ATP2B2: variants seen among roughly 807,000 people sequenced by gnomAD.
The protein encoded by ATP2B2 is ATPase plasma membrane Ca2+ transporting 2, also known as plasma membrane calcium-transporting ATPase 2.
In ATP2B2, 15 loss-of-function variants were observed where a neutral mutation model predicts 120.0. The observed-to-expected ratio is 0.12, with a 90% confidence interval of 0.08 to 0.19. ATP2B2 has a LOEUF of 0.19. ATP2B2 is among the 10% of genes least tolerant of loss of function. The pLI, the probability that ATP2B2 is intolerant of heterozygous loss-of-function variation, is 1.00. For missense variants in ATP2B2, 1,045 were observed against 1,719.8 expected (o/e 0.61, Z 6.94); for synonymous variants, 694 against 700.3 (o/e 0.99, Z 0.14).
chr3:10,498,633 T>C (rs566441367), intron 1 of ATP2B2, among the ~76,000 whole-genome samples: 1 of 152,226 alleles, frequency 6.6e-6, no homozygotes, highest in African/African-American at 2.4e-5. Context: ...CATGGCCCGG[T>C]AGAGTAGCCC....
Position 10,411,901 on chromosome 3 carries a change from G to T in ATP2B2, c.200-1086C>A, listed in dbSNP as rs762252965. Reference sequence around the variant, plus strand: ...TGTGGGGACCGGACAGAGTGGTAAGGGCCCACTTCCACCCACCATCTGCAT... The same window carrying T: ...TGTGGGGACCGGACAGAGTGGTAAGTGCCCACTTCCACCCACCATCTGCAT... On this transcript the variant is annotated intron_variant, in intron 2 of 22. Coordinates refer to ENST00000360273, the MANE Select transcript of ATP2B2 (RefSeq NM_001001331.4). Among the ~76,000 whole-genome samples, 20 of 152,132 alleles carry T rather than the reference G, an allele frequency of 1.3e-4. 1 individual carries two copies. The highest frequency in any genetic ancestry group is 1.9e-4 in the Non-Finnish European group (13 of 68,012).
chr3:10,437,307 G>A (rs1575220230), intron 2 of ATP2B2, among the ~76,000 whole-genome samples: 1 of 152,156 alleles, frequency 6.6e-6, no homozygotes, highest in Admixed American at 6.5e-5. Context: ...CCACTTCCAG[G>A]GGTTTCCTGG....
At chr3:10,553,354 C>T (rs35280072) in intron 2 of ATP2B2, among the ~76,000 whole-genome samples, 2,996 of 152,074 alleles carry the variant, frequency 0.02, 51 homozygotes, top group Admixed American at 0.04. Context: ...CAGAGAGGGA[C>T]CTTGAAAAAG....
intron 3 of ATP2B2, among the ~76,000 whole-genome samples, chr3:10,407,154 T>C (rs1214310620): frequency 3.3e-5 from 5 of 152,120 alleles, no homozygotes; most frequent in Non-Finnish European, 7.4e-5. Flanking sequence ...CCCTCCCCTC[T>C]TGGAGCTCCA....
chr3:10,336,332 G>A (rs2060116378), intron 22 of ATP2B2: 3 of 1,545,586 alleles, frequency 1.9e-6, no homozygotes, highest in Non-Finnish European at 2.6e-6. Context: ...GACAAGTTGC[G>A]AGAAGAACGA....
intron 1 of ATP2B2, among the ~76,000 whole-genome samples, chr3:10,474,704 G>A (rs2065140260): frequency 6.6e-6 from 1 of 152,242 alleles, no homozygotes; most frequent in South Asian, 2.1e-4. Context: ...TAAGCACCTT[G>A]TAAGGTTCCA....
chr3:10,454,351 A>AT (rs1178562742), intron 1 of ATP2B2, among the ~76,000 whole-genome samples: 1 of 152,234 alleles, frequency 6.6e-6, no homozygotes, highest in Non-Finnish European at 1.5e-5. Flanking sequence ...CTTAATAAAA[A>AT]GATGAATCAT....
At chr3:10,658,697 C>T (rs2070702205) in intron 1 of ATP2B2, among the ~76,000 whole-genome samples, 1 of 152,020 alleles carries the variant, frequency 6.6e-6, no homozygotes, top group African/African-American at 2.4e-5. Context: ...AGAACTTCCC[C>T]AACCTAGCAA....
intron 12 of ATP2B2, among the ~76,000 whole-genome samples, chr3:10,366,670 G>GCAGA (rs1368963632): frequency 2.6e-5 from 4 of 152,196 alleles, no homozygotes; most frequent in Non-Finnish European, 5.9e-5. Flanking sequence ...ACAGACATGG[G>GCAGA]CAGAACAGGG....
intron 14 of ATP2B2, among the ~76,000 whole-genome samples, chr3:10,356,964 T>TGAGAGAGAGAGA (rs4040764): frequency 3.5e-5 from 5 of 144,458 alleles, no homozygotes; most frequent in East Asian, 2.0e-4. Flanking sequence ...TGTGTGTGTA[T>TGAGAGAGAGAGA]GAGAGAGAGA....
intron 12 of ATP2B2, among the ~76,000 whole-genome samples, chr3:10,370,444 G>A (rs997480724): frequency 1.3e-5 from 2 of 152,214 alleles, no homozygotes; most frequent in African/African-American, 2.4e-5. Context: ...GGTGGGGGAA[G>A]AAGACAAAAA....
intron 1 of ATP2B2, among the ~76,000 whole-genome samples, chr3:10,698,228 C>T (rs1164865558): frequency 6.6e-6 from 1 of 152,198 alleles, no homozygotes; most frequent in Admixed American, 6.5e-5. Flanking sequence ...GAAAAGAATT[C>T]CTCCCTGATA....
chr3:10,480,324 G>T (rs1310039718), intron 1 of ATP2B2, among the ~76,000 whole-genome samples: 1 of 152,144 alleles, frequency 6.6e-6, no homozygotes, highest in Non-Finnish European at 1.5e-5. Context: ...GCATATGAAA[G>T]TGTCGAGCAC....
chr3:10,460,036 A>C (rs747235227), intron 1 of ATP2B2, among the ~76,000 whole-genome samples: 4 of 152,162 alleles, frequency 2.6e-5, no homozygotes, highest in African/African-American at 4.8e-5. Context: ...ACCACACACA[A>C]CAGGTCACTG....
upstream of ATP2B2, among the ~76,000 whole-genome samples, chr3:10,507,764 T>G (rs2066675157): frequency 2.6e-5 from 4 of 152,198 alleles, no homozygotes; most frequent in Admixed American, 2.6e-4. Context: ...CATTTGATCC[T>G]CCCAACTACC....
intron 1 of ATP2B2, among the ~76,000 whole-genome samples, chr3:10,462,786 C>A (rs1243759022): frequency 1.3e-5 from 2 of 152,124 alleles, no homozygotes; most frequent in Non-Finnish European, 2.9e-5. Context: ...CTACCAGTGC[C>A]TATTTAAGAA....
At chr3:10,496,206 A>C (rs1047069692) in intron 1 of ATP2B2, among the ~76,000 whole-genome samples, 1 of 152,174 alleles carries the variant, frequency 6.6e-6, no homozygotes, top group Non-Finnish European at 1.5e-5. Flanking sequence ...CTAGGAAGAG[A>C]CTGGCACCCA....
At chr3:10,344,603 C>T (rs564799012) in intron 18 of ATP2B2, among the ~76,000 whole-genome samples, 1 of 152,342 alleles carries the variant, frequency 6.6e-6, no homozygotes, top group South Asian at 2.1e-4. Context: ...TCCCCTGGGG[C>T]TAAGGGAGAC....
intron 12 of ATP2B2, among the ~76,000 whole-genome samples, chr3:10,367,481 G>A (rs966227327): frequency 1.3e-5 from 2 of 152,082 alleles, no homozygotes; most frequent in Non-Finnish European, 2.9e-5. Flanking sequence ...ACTACAGAGG[G>A]GAAAGCTCAG....
Sources: allele counts gnomAD v4.1 joint callset (sites outside exome capture counted in the v4.1 genomes callset), GRCh38; gene constraint gnomAD v4.1.1; transcripts MANE v1.5; gene names NCBI Gene and HGNC (gene_info 2026-07-23, HGNC 2026-07-21).